Variants in M1AP observed in about 807,000 individuals in gnomAD.
M1AP encodes the protein meiosis 1 arrest protein.
M1AP carries 39 observed loss-of-function variants against 51.2 expected under a neutral mutation model. The observed-to-expected ratio is 0.76, with a 90% CI of 0.59 to 1.00. The LOEUF (loss-of-function observed/expected upper bound fraction) is 1.00. Among genes scored for constraint, M1AP ranks in the 50% least tolerant of loss-of-function variants. The probability of loss-of-function intolerance (pLI) is 0.00; values close to 1 mark genes in which losing one functional copy is unlikely to be tolerated. For synonymous variants in M1AP, 251 were observed against 249.2 expected, an observed-to-expected ratio of 1.01 and a Z score of -0.07; for missense variants, 545 against 641.2, an observed-to-expected ratio of 0.85 and a Z score of 1.62.
At position 74,625,908 on chromosome 2, in the gene M1AP, T is replaced by C. The variant is rs114545207; in HGVS notation, c.241-10759A>G. Among the ~76,000 whole-genome samples, 712 of 152,372 alleles carry C rather than the reference T, an allele frequency of 4.7e-3. 7 individuals are homozygous for C. The highest frequency in any genetic ancestry group is 0.016 in the African/African-American group (683 of 41,582). Reference sequence around the variant, plus strand: ...TCTCCTGTGGCCATCTCAATGCTACTGCTCTTCCAACATGGAGAATACGTA... The same window carrying C: ...TCTCCTGTGGCCATCTCAATGCTACCGCTCTTCCAACATGGAGAATACGTA... On this transcript the variant is annotated intron_variant, in intron 2 of 10. Transcript: ENST00000421985.
intron 3 of M1AP, among the ~76,000 whole-genome samples, chr2:74,611,299 G>A (rs896269229): frequency 2.6e-5 from 4 of 152,170 alleles, no homozygotes; most frequent in Non-Finnish European, 1.5e-5. Context: ...GTGAATCTAT[G>A]AGGTCTGGGG....
chr2:74,601,591 A>T (rs527364014), intron 4 of M1AP, among the ~76,000 whole-genome samples: 33 of 152,150 alleles, frequency 2.2e-4, no homozygotes, highest in Non-Finnish European at 3.7e-4. Flanking sequence ...AAGCTACTAC[A>T]AACAGCACTG....
intron 3 of M1AP, among the ~76,000 whole-genome samples, chr2:74,612,977 G>GT (rs113974681): frequency 0.095 from 14,338 of 150,200 alleles, 1,965 homozygotes; most frequent in African/African-American, 0.3. Context: ...TTTTTTTCCA[G>GT]TTTTTTTTTC....
At chr2:74,583,138 C>G (rs965793668) in intron 4 of M1AP, among the ~76,000 whole-genome samples, 6 of 152,014 alleles carry the variant, frequency 3.9e-5, no homozygotes, top group Non-Finnish European at 7.4e-5. Flanking sequence ...AAAAATTATA[C>G]AGCAATGCAA....
At chr2:74,578,556 A>G (rs1017684716) in intron 5 of M1AP, among the ~76,000 whole-genome samples, 1 of 152,168 alleles carries the variant, frequency 6.6e-6, no homozygotes, top group African/African-American at 2.4e-5. Flanking sequence ...AAAGCTGGGA[A>G]AGCTGTTTTA....
At chr2:74,579,582 G>A (rs943621123) in intron 5 of M1AP, among the ~76,000 whole-genome samples, 1 of 152,106 alleles carries the variant, frequency 6.6e-6, no homozygotes, top group Non-Finnish European at 1.5e-5. Flanking sequence ...ATGGAAAATG[G>A]GGGTAATATT....
intron 5 of M1AP, among the ~76,000 whole-genome samples, chr2:74,578,836 T>G (rs1017948895): frequency 1.3e-5 from 2 of 150,636 alleles, no homozygotes; most frequent in Non-Finnish European, 2.9e-5. Context: ...GGAGGAAAGC[T>G]TGGGTTTTTT....
chr2:74,614,566 T>G (rs1217123457), intron 3 of M1AP, among the ~76,000 whole-genome samples: 2 of 152,228 alleles, frequency 1.3e-5, no homozygotes, highest in Non-Finnish European at 2.9e-5. Context: ...CTCAATTTGA[T>G]GCCAAGATTT....
rs1208285837 is a variant in M1AP at position 74,576,455 on chromosome 2, C to G, written c.932+1G>C. 5 of 1,613,444 alleles carry G rather than the reference C, an allele frequency of 3.1e-6. No individual in the cohort carries two copies. Among genetic ancestry groups the G allele is most frequent in the Non-Finnish European group, 4.2e-6 (5 of 1,179,926 alleles). ...ATTGGGGAGGTTCCCTTGGACCATA[C>G]TTGATCACTTGGAGCTTGTAATGAG... On this transcript the variant is annotated splice_donor_variant, in intron 6 of 10. Transcript: ENST00000421985. LOFTEE classifies it high-confidence loss of function.
At position 74,639,794 on chromosome 2, in the gene M1AP, T is replaced by G. The variant is rs1260143147; in HGVS notation, c.240+242A>C. Reference sequence around the variant, plus strand: ...ATGCCAAGGTTTCTCTCCCTCTCTCTGGAGTGGAGCTTGTAGCCTATTTAT... The same window carrying G: ...ATGCCAAGGTTTCTCTCCCTCTCTCGGGAGTGGAGCTTGTAGCCTATTTAT... On this transcript the variant is annotated intron_variant, in intron 2 of 10. Coordinates refer to ENST00000421985, the MANE Select transcript of M1AP (RefSeq NM_001321739.2). Among the ~76,000 whole-genome samples, 3 of 152,228 alleles carry G rather than the reference T, an allele frequency of 2.0e-5. No homozygotes were observed. The East Asian group carries it at 5.8e-4, about 29-fold the overall frequency.
chr2:74,631,507 A>G (rs1045199852), intron 2 of M1AP, among the ~76,000 whole-genome samples: 3 of 152,118 alleles, frequency 2.0e-5, no homozygotes, highest in African/African-American at 7.2e-5. Context: ...AATATATTAT[A>G]TCTCTATTAC....
intron 1 of M1AP, among the ~76,000 whole-genome samples, chr2:74,646,193 AGTT>A (rs1683603517): frequency 6.6e-6 from 1 of 152,230 alleles, no homozygotes; most frequent in South Asian, 2.1e-4. Context: ...AGAAGTGTGT[AGTT>A]GTGTCGCCTC....
chr2:74,607,882 G>A (rs1012389868), intron 3 of M1AP, among the ~76,000 whole-genome samples: 1 of 152,214 alleles, frequency 6.6e-6, no homozygotes, highest in Admixed American at 6.5e-5. Flanking sequence ...TCCATGAAGA[G>A]GGATGTAGAT....
rs118062291 is a variant in M1AP at position 74,613,191 on chromosome 2, C to T, written c.426+1773G>A. 3.9e-5 allele frequency among the ~76,000 whole-genome samples: 6 copies of T among 152,288 alleles called. No individual in the cohort carries two copies. In the East Asian group the frequency reaches 9.6e-4, roughly 24 times the overall value. On this transcript the variant is annotated intron_variant, in intron 3 of 10. Coordinates refer to ENST00000421985, the MANE Select transcript of M1AP (RefSeq NM_001321739.2). ...TTGCCCATATGTTCTTTCATTCCGT[C>T]TGCTTTATCCATTAGAGCCCTTAGC...
At chr2:74,626,434 T>G (rs1157706324) in intron 2 of M1AP, among the ~76,000 whole-genome samples, 1 of 152,048 alleles carries the variant, frequency 6.6e-6, no homozygotes. Flanking sequence ...TATTTTTAAA[T>G]TTTTTGTAGA....
chr2:74,623,275 G>A (rs1196922426), intron 2 of M1AP, among the ~76,000 whole-genome samples: 12 of 152,064 alleles, frequency 7.9e-5, no homozygotes, highest in Non-Finnish European at 1.8e-4. Context: ...AGGCCGAGGT[G>A]GACAGACTGC....
At chr2:74,647,994 C>A in intron 1 of M1AP, 1 of 985,218 alleles carries the variant, frequency 1.0e-6, no homozygotes, top group Non-Finnish European at 1.2e-6. Context: ...GATCAGCAGC[C>A]CGGCCCTCGG....
rs777348350 is a variant in M1AP, at chr2:74,560,288, T to G, written c.1285A>C (p.Met429Leu). ...GGCTCCAGCTCCAGGCTGTCCAGCA[T>G]GCTCTGAGGAAAAGAGAGGAGGGGC... ...HDDSLKNVESMLDSLELEPTY... is the reference protein window; with the variant it reads ...HDDSLKNVESLLDSLELEPTY... The change falls in exon 9 of 11, where the codon ATG becomes CTG. Residue 429 changes from methionine (M) to leucine (L), a missense_variant. Met to Leu is a conservative substitution (Grantham distance 15). Transcript: ENST00000421985. The G allele has an allele frequency of 3.1e-6, 5 of 1,592,832 alleles. No individual in the cohort carries two copies. Among genetic ancestry groups the G allele is most frequent in the Admixed American group, 1.8e-5 (1 of 54,730 alleles).
intron 4 of M1AP, among the ~76,000 whole-genome samples, chr2:74,593,379 CATTT>C (rs1471918735): frequency 6.6e-6 from 1 of 152,040 alleles, no homozygotes; most frequent in Non-Finnish European, 1.5e-5. Context: ...ATATTTTATT[CATTT>C]ATTTATTTAT....
Sources: gnomAD v4.1 joint callset for allele counts (sites outside exome capture counted in the v4.1 genomes callset) on GRCh38, gnomAD v4.1.1 for gene constraint, MANE v1.5 for transcripts, NCBI Gene and HGNC (gene_info 2026-07-23, HGNC 2026-07-21) for gene names.